Variants in GLIS3 observed in about 807,000 individuals in gnomAD.
GLIS3 encodes the protein GLIS family zinc finger 3.
GLIS3 carries 53 observed loss-of-function variants against 78.6 expected under a neutral mutation model. The ratio of observed to expected loss-of-function variants is 0.67; its 90% CI spans 0.54 to 0.85. GLIS3 has a LOEUF of 0.85. Among genes scored for constraint, GLIS3 ranks in the 40% least tolerant of loss-of-function variants. The pLI, the probability that GLIS3 is intolerant of heterozygous loss-of-function variation, is 0.00. For missense variants in GLIS3, 1,703 were observed against 1,231.1 expected (o/e 1.38, Z -5.74); for synonymous variants, 684 against 509.9 (o/e 1.34, Z -4.60).
intron 4 of GLIS3, among the ~76,000 whole-genome samples, chr9:3,949,185 T>C (rs1169970313): frequency 6.6e-6 from 1 of 152,222 alleles, no homozygotes. Context: ...TCTTTTTTTC[T>C]CTTACAAAGT....
At position 4,044,016 on chromosome 9, in the gene GLIS3, G is replaced by A. The variant is rs115396881; in HGVS notation, c.1710+73752C>T. 5.2e-4 allele frequency among the ~76,000 whole-genome samples: 79 copies of A among 152,294 alleles called. 1 individual carries two copies. The highest frequency in any genetic ancestry group is 1.9e-3 in the African/African-American group (78 of 41,550). ...ATGATGGGCCTTGTCAAGAGCACAG[G>A]TAAGGGCCAAGAGGGCAGAGCAGGC... On this transcript the variant is annotated intron_variant, in intron 4 of 10. Coordinates refer to ENST00000381971, the MANE Select transcript of GLIS3 (RefSeq NM_001042413.2).
chr9:4,317,085 A>G (rs1817447905), intron 2 of GLIS3, among the ~76,000 whole-genome samples: 1 of 152,242 alleles, frequency 6.6e-6, no homozygotes, highest in East Asian at 1.9e-4. Context: ...CTTAGAGTAA[A>G]GAAAAGATGG....
the GLIS3 span, among the ~76,000 whole-genome samples, chr9:4,469,291 A>G: frequency 6.6e-6 from 1 of 152,212 alleles, no homozygotes; most frequent in Non-Finnish European, 1.5e-5. Flanking sequence ...CAGACCTAAT[A>G]GACATCTACA....
intron 2 of GLIS3, among the ~76,000 whole-genome samples, chr9:4,143,248 T>C (rs1833943497): frequency 6.6e-6 from 1 of 152,012 alleles, no homozygotes. Context: ...TATTTGTGTG[T>C]GTGTGTGTGT....
At chr9:4,374,945 C>G in the GLIS3 span, among the ~76,000 whole-genome samples, 3 of 152,188 alleles carry the variant, frequency 2.0e-5, no homozygotes, top group African/African-American at 7.2e-5. Context: ...TATTATTCTG[C>G]AGCTTGCTAT....
intron 4 of GLIS3, among the ~76,000 whole-genome samples, chr9:4,010,025 T>C (rs1008731189): frequency 6.6e-6 from 1 of 152,210 alleles, no homozygotes; most frequent in East Asian, 1.9e-4. Context: ...TAAATAATTC[T>C]TCATTGTGGC....
intron 2 of GLIS3, among the ~76,000 whole-genome samples, chr9:4,326,658 A>C (rs1310859773): frequency 6.6e-6 from 1 of 152,044 alleles, no homozygotes; most frequent in Non-Finnish European, 1.5e-5. Flanking sequence ...TAACGTCATG[A>C]AACTACACAC....
chr9:4,318,156 G>A (rs1353320563), intron 2 of GLIS3, among the ~76,000 whole-genome samples: 1 of 152,004 alleles, frequency 6.6e-6, no homozygotes, highest in African/African-American at 2.4e-5. Context: ...CCAGGGTCTT[G>A]CTGCGGGAGA....
the GLIS3 span, among the ~76,000 whole-genome samples, chr9:4,463,533 C>T: frequency 6.6e-6 from 1 of 152,058 alleles, no homozygotes; most frequent in Non-Finnish European, 1.5e-5. Context: ...AGGAAATAAC[C>T]AAGCCGATTA....
intron 1 of GLIS3, chr9:4,298,309 C>A (rs949720909): frequency 6.6e-6 from 3 of 454,068 alleles, no homozygotes; most frequent in South Asian, 1.6e-5. Context: ...TCTCGCCTCC[C>A]AAACACCTCC....
At chr9:4,318,368 C>T (rs1817470954) in intron 2 of GLIS3, among the ~76,000 whole-genome samples, 1 of 152,160 alleles carries the variant, frequency 6.6e-6, no homozygotes, top group African/African-American at 2.4e-5. Flanking sequence ...AGTTTCGTTT[C>T]TGAATACATC....
At chr9:3,855,385 A>AGAT (rs77388969) in intron 9 of GLIS3, 7,437 of 155,818 alleles carry the variant, frequency 0.048, 259 homozygotes, top group Non-Finnish European at 0.07. Context: ...GTTCCCTAAA[A>AGAT]GATATAATTT....
intron 4 of GLIS3, among the ~76,000 whole-genome samples, chr9:4,064,435 A>T (rs983329372): frequency 1.4e-4 from 21 of 152,226 alleles, no homozygotes; most frequent in African/African-American, 5.1e-4. Flanking sequence ...CTTACATAAA[A>T]TGCATGCATT....
chr9:3,955,730 C>T (rs1817057354), intron 4 of GLIS3, among the ~76,000 whole-genome samples: 1 of 151,896 alleles, frequency 6.6e-6, no homozygotes, highest in Admixed American at 6.6e-5. Flanking sequence ...GATTCAAAAG[C>T]CATAGAGAAT....
At chr9:4,449,583 C>T in the GLIS3 span, among the ~76,000 whole-genome samples, 1 of 152,286 alleles carries the variant, frequency 6.6e-6, no homozygotes, top group South Asian at 2.1e-4. Flanking sequence ...CCAATTGATA[C>T]CTCATACAGG....
chr9:4,012,765 C>CTTTTTCT (rs1822125308), intron 4 of GLIS3, among the ~76,000 whole-genome samples: 2 of 66,478 alleles, frequency 3.0e-5, no homozygotes, highest in Non-Finnish European at 5.6e-5. Context: ...TTTTCTTTTT[C>CTTTTTCT]TTTTTTTTTT....
At position 3,869,426 on chromosome 9, in the gene GLIS3, G is replaced by A. The variant is rs1203317960; in HGVS notation, c.2297+10001C>T. ...ATATACAAATAAGTGAGAATGGTGA[G>A]TGTCAGGCACTAGTATTCAAGATTT... is the stretch of plus-strand genomic sequence containing the variant. On this transcript the variant is annotated intron_variant, in intron 8 of 10. Coordinates refer to ENST00000381971, the MANE Select transcript of GLIS3 (RefSeq NM_001042413.2). 2.0e-5 allele frequency among the ~76,000 whole-genome samples: 3 copies of A among 152,194 alleles called. No individual in the cohort carries two copies. In the East Asian group the frequency reaches 5.8e-4, roughly 29 times the overall value.
chr9:4,381,588 T>C, the GLIS3 span, among the ~76,000 whole-genome samples: 1 of 152,182 alleles, frequency 6.6e-6, no homozygotes, highest in Non-Finnish European at 1.5e-5. Context: ...TTGGTACTAA[T>C]ATCTGCATGC....
chr9:3,902,662 C>T (rs1823400546), intron 6 of GLIS3, among the ~76,000 whole-genome samples: 5 of 152,216 alleles, frequency 3.3e-5, no homozygotes, highest in South Asian at 4.1e-4. Flanking sequence ...AGTAGGTCTG[C>T]GATGCGTTTC....
Sources: gnomAD v4.1 joint callset for allele counts (sites outside exome capture counted in the v4.1 genomes callset) on GRCh38, gnomAD v4.1.1 for gene constraint, MANE v1.5 for transcripts, NCBI Gene and HGNC (gene_info 2026-07-23, HGNC 2026-07-21) for gene names.